SLC35F3: variants seen among roughly 807,000 people sequenced by gnomAD.
SLC35F3 encodes solute carrier family 35 member F3, also known as putative thiamine transporter SLC35F3.
Under a neutral mutation model 49.9 loss-of-function variants are expected in SLC35F3, and 25 were observed. The ratio of observed to expected loss-of-function variants is 0.50; its 90% CI spans 0.37 to 0.70. The LOEUF (loss-of-function observed/expected upper bound fraction) is 0.70, where lower values mean the gene tolerates loss of function less well. Among genes scored for constraint, SLC35F3 ranks in the 30% least tolerant of loss-of-function variants. The probability of loss-of-function intolerance (pLI) is 0.00; values close to 1 mark genes in which losing one functional copy is unlikely to be tolerated. For synonymous variants in SLC35F3, 275 were observed against 265.4 expected (o/e 1.04, Z -0.35); for missense variants, 525 against 639.8 (o/e 0.82, Z 1.94).
intron 2 of SLC35F3, among the ~76,000 whole-genome samples, chr1:233,907,649 A>T (rs1661798014): frequency 6.6e-6 from 1 of 152,148 alleles, no homozygotes; most frequent in Admixed American, 6.5e-5. Context: ...ATTAGGTGTA[A>T]TGTTTAAATT....
intron 2 of SLC35F3, among the ~76,000 whole-genome samples, chr1:234,023,184 C>G (rs750033587): frequency 6.6e-6 from 1 of 152,150 alleles, no homozygotes; most frequent in Non-Finnish European, 1.5e-5. Flanking sequence ...CAGGGCACAC[C>G]CATTGCCATC....
In SLC35F3 at chr1:234,081,904, A is replaced by ATTTTTTTTTTTTTTTTT. The variant is rs781469880; in HGVS notation, c.284-149497_284-149481dup. Among the ~76,000 whole-genome samples, 77 of 39,232 alleles carry ATTTTTTTTTTTTTTTTT rather than the reference A, an allele frequency of 2.0e-3. 11 individuals carry two copies. The highest frequency in any genetic ancestry group is 6.2e-3 in the African/African-American group (46 of 7,466). The allele number at this position is 39,232 out of a possible 152,430, so 25.7% of individuals were successfully genotyped here. ...AGGCGCCTGCCACCATGCCTGGCTA[A>ATTTTTTTTTTTTTTTTT]TTTTTTTTTTTTTTTTTTTTTTTTT... On this transcript the variant is annotated intron_variant, in intron 2 of 7. Transcript: ENST00000366618.
intron 2 of SLC35F3, among the ~76,000 whole-genome samples, chr1:234,185,048 G>C (rs944584711): frequency 2.0e-5 from 3 of 152,196 alleles, no homozygotes; most frequent in African/African-American, 7.2e-5. Context: ...CAACAGGAGG[G>C]AAGCTACATA....
chr1:233,993,848 A>G (rs545156983), intron 2 of SLC35F3, among the ~76,000 whole-genome samples: 2 of 152,160 alleles, frequency 1.3e-5, no homozygotes, highest in Admixed American at 6.5e-5. Context: ...TCTCAAAACC[A>G]TGGTCCCTAA....
chr1:234,253,628 G>A (rs890480752), intron 3 of SLC35F3, among the ~76,000 whole-genome samples: 5 of 152,062 alleles, frequency 3.3e-5, no homozygotes, highest in Non-Finnish European at 7.4e-5. Flanking sequence ...AAAAAAAACA[G>A]CAACAACTAG....
chr1:234,301,511 G>C (rs1399316567), intron 3 of SLC35F3, among the ~76,000 whole-genome samples: 1 of 152,200 alleles, frequency 6.6e-6, no homozygotes, highest in East Asian at 1.9e-4. Context: ...ATGCCAGTCA[G>C]AATGGCAATT....
intron 2 of SLC35F3, among the ~76,000 whole-genome samples, chr1:234,226,551 TAAA>T (rs10547189): frequency 0.31 from 44,633 of 143,206 alleles, 12,099 homozygotes; most frequent in African/African-American, 0.74. Context: ...TACATTAAGT[TAAA>T]AAAAAAAAAA....
intron 2 of SLC35F3, among the ~76,000 whole-genome samples, chr1:233,912,283 G>T (rs990373642): frequency 3.3e-5 from 5 of 152,094 alleles, no homozygotes; most frequent in Admixed American, 6.5e-5. Flanking sequence ...TTCAATACCA[G>T]CCTGGCCAAG....
intron 2 of SLC35F3, among the ~76,000 whole-genome samples, chr1:234,139,761 A>G (rs969051595): frequency 6.6e-6 from 1 of 151,812 alleles, no homozygotes; most frequent in African/African-American, 2.4e-5. Flanking sequence ...CATCCTGGCC[A>G]ACATGGTGAA....
chr1:234,100,434 G>A (rs1389320490), intron 2 of SLC35F3, among the ~76,000 whole-genome samples: 1 of 152,186 alleles, frequency 6.6e-6, no homozygotes, highest in African/African-American at 2.4e-5. Context: ...AGTGAAACTC[G>A]CTAAAAAGGC....
At chr1:233,999,497 G>A (rs184178738) in intron 2 of SLC35F3, among the ~76,000 whole-genome samples, 21 of 152,294 alleles carry the variant, frequency 1.4e-4, no homozygotes, top group African/African-American at 4.8e-4. Flanking sequence ...GATCTCTGCT[G>A]TTCCGTGTGG....
intron 6 of SLC35F3, 59 bp downstream of exon 6, chr1:234,319,002 A>G (rs1657555207): frequency 1.4e-6 from 2 of 1,430,348 alleles, no homozygotes; most frequent in Non-Finnish European, 1.9e-6. Flanking sequence ...GAGGACCCTC[A>G]GGAAACATGT....
intron 2 of SLC35F3, among the ~76,000 whole-genome samples, chr1:233,994,140 G>C (rs1170521815): frequency 6.6e-6 from 1 of 152,174 alleles, no homozygotes; most frequent in Non-Finnish European, 1.5e-5. Flanking sequence ...CGTGTTATTG[G>C]CATAGGTCAT....
At chr1:234,110,413 G>T (rs1454325827) in intron 2 of SLC35F3, among the ~76,000 whole-genome samples, 1 of 152,218 alleles carries the variant, frequency 6.6e-6, no homozygotes, top group Non-Finnish European at 1.5e-5. Context: ...AGCCAGGAAG[G>T]GATGGTGTCC....
chr1:233,956,706 G>A (rs573057870), intron 2 of SLC35F3, among the ~76,000 whole-genome samples: 3 of 152,176 alleles, frequency 2.0e-5, no homozygotes, highest in South Asian at 4.1e-4. Context: ...GCAACTGGGC[G>A]TGAGACATTT....
intron 2 of SLC35F3, among the ~76,000 whole-genome samples, chr1:234,139,225 A>G (rs997168563): frequency 1.3e-5 from 2 of 152,154 alleles, no homozygotes; most frequent in African/African-American, 2.4e-5. Context: ...ACTAAACTCT[A>G]TTACTTTATT....
intron 2 of SLC35F3, among the ~76,000 whole-genome samples, chr1:234,156,930 A>G (rs962163928): frequency 6.6e-6 from 1 of 152,128 alleles, no homozygotes; most frequent in African/African-American, 2.4e-5. Flanking sequence ...AGAGACAGCA[A>G]GTAGATTAGT....
At chr1:234,282,815 GT>G (rs1263777609) in intron 3 of SLC35F3, among the ~76,000 whole-genome samples, 1 of 152,222 alleles carries the variant, frequency 6.6e-6, no homozygotes, top group Admixed American at 6.5e-5. Flanking sequence ...AACGGTTGCA[GT>G]GTGCCAGGCC....
chr1:234,199,246 AG>A, intron 2 of SLC35F3, among the ~76,000 whole-genome samples: 1 of 152,058 alleles, frequency 6.6e-6, no homozygotes, highest in East Asian at 1.9e-4. Flanking sequence ...GAAAACGAAA[AG>A]AAAAAAAACA....
Sources: allele counts gnomAD v4.1 joint callset (sites outside exome capture counted in the v4.1 genomes callset), GRCh38; gene constraint gnomAD v4.1.1; transcripts MANE v1.5; gene names NCBI Gene and HGNC (gene_info 2026-07-23, HGNC 2026-07-21).